The following KCND2 variants were observed in gnomAD, a reference collection of about 807,000 sequenced individuals.
The protein encoded by KCND2 is A-type voltage-gated potassium channel KCND2.
Under a neutral mutation model 54.4 loss-of-function variants are expected in KCND2, and 16 were observed. The observed-to-expected ratio is 0.29, with a 90% CI of 0.20 to 0.45. KCND2 has a LOEUF of 0.45. Among genes scored for constraint, KCND2 ranks in the 20% least tolerant of loss-of-function variants. The probability of loss-of-function intolerance (pLI) is 1.00; values close to 1 mark genes in which losing one functional copy is unlikely to be tolerated. For synonymous variants in KCND2, 317 were observed against 310.7 expected, an observed-to-expected ratio of 1.02 and a Z score of -0.21; for missense variants, 486 against 824.2, an observed-to-expected ratio of 0.59 and a Z score of 5.02.
chr7:120,707,154 T>G (rs1036445337), intron 1 of KCND2, among the ~76,000 whole-genome samples: 1 of 152,174 alleles, frequency 6.6e-6, no homozygotes, highest in Non-Finnish European at 1.5e-5. Flanking sequence ...CAATTAGAAC[T>G]GAACCTTTTG....
rs73722562 is a variant in KCND2, at chr7:120,317,365, A to G, written c.1115+41618A>G. Among the ~76,000 whole-genome samples the G allele has an allele frequency of 4.8e-3, 725 of 152,300 alleles. 8 individuals are homozygous for G. The highest frequency in any genetic ancestry group is 0.017 in the African/African-American group (689 of 41,580). On this transcript the variant is annotated intron_variant, in intron 1 of 5. Coordinates refer to ENST00000331113, the MANE Select transcript of KCND2 (RefSeq NM_012281.3). ...TATTAATATTTCATTAACCTTTACA[A>G]TATTTCAACCACTATGTATATATAT...
intron 1 of KCND2, among the ~76,000 whole-genome samples, chr7:120,398,879 T>G (rs1801199413): frequency 6.6e-6 from 1 of 151,852 alleles, no homozygotes; most frequent in Non-Finnish European, 1.5e-5. Flanking sequence ...ACTGTTAGAG[T>G]AGGTCATAGG....
intron 1 of KCND2, among the ~76,000 whole-genome samples, chr7:120,625,988 T>C (rs962030905): frequency 1.3e-5 from 2 of 152,092 alleles, no homozygotes; most frequent in African/African-American, 4.8e-5. Flanking sequence ...ATAGTGCACT[T>C]TAAATTTTGG....
chr7:120,445,885 T>A (rs1377044047), intron 1 of KCND2, among the ~76,000 whole-genome samples: 1 of 152,152 alleles, frequency 6.6e-6, no homozygotes. Flanking sequence ...CTGTATGAAA[T>A]GTTTTATCTA....
intron 1 of KCND2, among the ~76,000 whole-genome samples, chr7:120,315,867 A>G (rs1012466438): frequency 6.6e-6 from 1 of 151,636 alleles, no homozygotes; most frequent in Non-Finnish European, 1.5e-5. Flanking sequence ...AATTTGATCC[A>G]TTGAAAACTG....
chr7:120,455,156 A>G (rs984797445), intron 1 of KCND2, among the ~76,000 whole-genome samples: 1 of 152,178 alleles, frequency 6.6e-6, no homozygotes, highest in African/African-American at 2.4e-5. Context: ...ACTGTCAATT[A>G]CATTCTTCAC....
chr7:120,707,704 A>G (rs144667286), intron 1 of KCND2, among the ~76,000 whole-genome samples: 131 of 152,196 alleles, frequency 8.6e-4, no homozygotes, highest in Middle Eastern at 3.4e-3. Context: ...TGATAGGTCA[A>G]TCACTTAAGA....
At position 120,666,627 on chromosome 7, in the gene KCND2, G is replaced by A. The variant is rs558685082; in HGVS notation, c.1116-66276G>A. Among the ~76,000 whole-genome samples, 7 of 151,886 alleles carry A rather than the reference G, an allele frequency of 4.6e-5. No individual in the cohort carries two copies. In the East Asian group the frequency reaches 5.8e-4, roughly 13 times the overall value. On this transcript the variant is annotated intron_variant, in intron 1 of 5. Transcript: ENST00000331113. Reference sequence around the variant, plus strand: ...TCCTTGTCCACATTGTGAGACACGCGTAAGCTCTTGCAAGAGCATCCCTCA... The same window carrying A: ...TCCTTGTCCACATTGTGAGACACGCATAAGCTCTTGCAAGAGCATCCCTCA...
chr7:120,478,726 A>G (rs949559195), intron 1 of KCND2, among the ~76,000 whole-genome samples: 6 of 152,288 alleles, frequency 3.9e-5, no homozygotes, highest in Non-Finnish European at 8.8e-5. Context: ...GCCTGACTCT[A>G]TAGCAATTCC....
rs1376418801 is a variant in KCND2, at chr7:120,631,704, G to A, written c.1116-101199G>A. Among the ~76,000 whole-genome samples, 5 of 152,062 alleles carry A rather than the reference G, an allele frequency of 3.3e-5. No homozygotes were observed. The East Asian group carries it at 9.6e-4, about 29-fold the overall frequency. On this transcript the variant is annotated intron_variant, in intron 1 of 5. Transcript: ENST00000331113. ...AGATTGGCTTTTATATCTGTAAATAGAAAATGTGGACAAGTAATTTTATAT... is the reference window on the plus strand; with the variant it reads ...AGATTGGCTTTTATATCTGTAAATAAAAAATGTGGACAAGTAATTTTATAT...
chr7:120,392,500 C>G (rs1285372115), intron 1 of KCND2, among the ~76,000 whole-genome samples: 1 of 148,464 alleles, frequency 6.7e-6, no homozygotes, highest in Non-Finnish European at 1.5e-5. Context: ...TGTTTATTAT[C>G]TTCTTCTAAG....
intron 1 of KCND2, among the ~76,000 whole-genome samples, chr7:120,685,795 G>T (rs1465304810): frequency 1.3e-5 from 2 of 152,148 alleles, no homozygotes; most frequent in African/African-American, 2.4e-5. Context: ...AATTATTTTA[G>T]AACTTTCTCC....
At chr7:120,421,908 T>C (rs1275314355) in intron 1 of KCND2, among the ~76,000 whole-genome samples, 1 of 152,114 alleles carries the variant, frequency 6.6e-6, no homozygotes, top group Non-Finnish European at 1.5e-5. Context: ...GTGGCCACTT[T>C]TCAGGGAGCT....
At chr7:120,418,558 A>G (rs1045829163) in intron 1 of KCND2, among the ~76,000 whole-genome samples, 4 of 152,148 alleles carry the variant, frequency 2.6e-5, no homozygotes, top group Non-Finnish European at 4.4e-5. Flanking sequence ...AGAAATACTC[A>G]TTACTCAGAT....
chr7:120,717,616 C>A (rs1792619334), intron 1 of KCND2, among the ~76,000 whole-genome samples: 1 of 152,022 alleles, frequency 6.6e-6, no homozygotes, highest in South Asian at 2.1e-4. Context: ...GAGTTGAAAG[C>A]AAACCATTTC....
intron 1 of KCND2, among the ~76,000 whole-genome samples, chr7:120,373,301 G>C (rs1417644518): frequency 6.6e-6 from 1 of 151,716 alleles, no homozygotes; most frequent in African/African-American, 2.4e-5. Context: ...TTGGTAGCTA[G>C]AGAACAGAGC....
At chr7:120,710,727 G>A (rs1792527024) in intron 1 of KCND2, among the ~76,000 whole-genome samples, 1 of 152,082 alleles carries the variant, frequency 6.6e-6, no homozygotes, top group African/African-American at 2.4e-5. Context: ...TTTTAGGTCT[G>A]TTTGACAGAT....
At chr7:120,420,335 A>G (rs1232411228) in intron 1 of KCND2, among the ~76,000 whole-genome samples, 1 of 152,202 alleles carries the variant, frequency 6.6e-6, no homozygotes, top group East Asian at 1.9e-4. Flanking sequence ...TAAAGAAAAG[A>G]CCCACTACCA....
intron 1 of KCND2, among the ~76,000 whole-genome samples, chr7:120,378,928 A>G (rs1236661302): frequency 1.3e-5 from 2 of 151,996 alleles, no homozygotes; most frequent in South Asian, 2.1e-4. Context: ...CTATGCTGGA[A>G]ATTTATATGC....
Sources: allele counts gnomAD v4.1 joint callset (sites outside exome capture counted in the v4.1 genomes callset), GRCh38; gene constraint gnomAD v4.1.1; transcripts MANE v1.5; gene names NCBI Gene and HGNC (gene_info 2026-07-23, HGNC 2026-07-21).